The following MYO15A variants were observed in gnomAD, a reference collection of about 807,000 sequenced individuals.
The protein encoded by MYO15A is myosin XVA.
Under a neutral mutation model 394.6 loss-of-function variants are expected in MYO15A, and 308 were observed. The ratio of observed to expected loss-of-function variants is 0.78; its 90% CI spans 0.71 to 0.86. MYO15A has a LOEUF of 0.86. Ranked by LOEUF, MYO15A falls within the 40% of genes least tolerant of loss-of-function variation. The pLI is 0.00. For synonymous variants in MYO15A, 1,957 were observed against 2,003.8 expected (o/e 0.98, Z 0.62); for missense variants, 4,606 against 4,799.1 (o/e 0.96, Z 1.19).
chr17:18,149,619 G>A, intron 35 of MYO15A, 39 bp downstream of exon 35: 1 of 1,591,738 alleles, frequency 6.3e-7, no homozygotes, highest in South Asian at 1.1e-5. Flanking sequence ...CAGACAGCAG[G>A]CACAGCATGT....
At position 18,132,554 on chromosome 17, in the gene MYO15A, C is replaced by T. The variant is rs1403506968; in HGVS notation, c.4308C>T (p.Tyr1436=). The change falls in exon 11 of 66, where the codon TAC becomes TAT. Residue 1436 remains tyrosine (Y), a synonymous_variant. Transcript: ENST00000647165. The surrounding 1 kb of genome is among the most constrained non-coding windows in gnomAD (Gnocchi z 4.6). ...AFSLQEAETY[Y]YLNQGGNCEI... ...GCCTGCAAGAGGCTGAGACCTACTA[C>T]TATCTGAACCAGGTGAGTGCCAGCA... is the stretch of plus-strand genomic sequence containing the variant. The T allele has an allele frequency of 5.6e-6, 9 of 1,611,604 alleles. No individual in the cohort carries two copies. In the Middle Eastern group the frequency reaches 6.6e-4, roughly 119 times the overall value.
intron 64 of MYO15A, 116 bp downstream of exon 64, chr17:18,172,406 C>A: frequency 6.9e-7 from 1 of 1,447,986 alleles, no homozygotes; most frequent in Non-Finnish European, 9.6e-7. Flanking sequence ...TTACCACCTT[C>A]ATGATCTCAG....
Position 18,119,602 on chromosome 17 carries a change from A to T in MYO15A, c.802A>T (p.Ser268Cys). 6.2e-7 allele frequency: 1 copy of T among 1,603,988 alleles called. No individual in the cohort carries two copies. The highest frequency in any genetic ancestry group is 8.5e-7 in the Non-Finnish European group (1 of 1,179,884). ...CTACCTGGCGGGCCTCGGCCCCTAC[A>T]GCCCGGCCTGGCCACCCTACGGCGA... The part of the protein sequence containing the change: ...EPYLAGLGPY[S>C]PAWPPYGDHY... Residue 268 changes from serine to cysteine, a missense_variant, in exon 2 of 66, where the codon AGC becomes TGC. Ser to Cys is a moderately radical substitution (Grantham distance 112, BLOSUM62 -1). This residue lies in a region of MYO15A where 1,830 missense variants were observed against 1,689.7 expected (regional missense o/e 1.08). Transcript: ENST00000647165.
chr17:18,175,097 T>TTTC (rs34523480), intron 65 of MYO15A, among the ~76,000 whole-genome samples: 1 of 150,138 alleles, frequency 6.7e-6, no homozygotes, highest in Non-Finnish European at 1.5e-5. Flanking sequence ...TTTTTTTTTT[T>TTTC]CAGTAGAGAC....
At chr17:18,140,008 G>A (rs2142332598) in intron 19 of MYO15A, among the ~76,000 whole-genome samples, 1 of 152,230 alleles carries the variant, frequency 6.6e-6, no homozygotes, top group Middle Eastern at 3.4e-3. Flanking sequence ...GGTGTTCTCA[G>A]TTTCTCCCAC....
In MYO15A at chr17:18,133,360, G is replaced by A. The variant is rs755307750; in HGVS notation, c.4456G>A (p.Gly1486Ser). The change falls in exon 12 of 66, where the codon GGC becomes AGC. Residue 1486 changes from glycine to serine, a missense_variant. By Grantham distance (56) the Gly-to-Ser change is moderately conservative (BLOSUM62 0). This residue lies in a region of MYO15A where 2,776 missense variants were observed against 3,109.3 expected (regional missense o/e 0.89). Transcript: ENST00000647165. Reference protein sequence around the residue: ...FRILASILHLGNVYFEKYETD... With the variant: ...FRILASILHLSNVYFEKYETD... ...CATCCTGGCCTCCATCCTGCACCTG[G>A]GCAACGTCTACTTTGAGAAGTATGA... 2.5e-6 allele frequency: 4 copies of A among 1,614,186 alleles called. No homozygotes were observed. The highest frequency in any genetic ancestry group is 3.4e-6 in the Non-Finnish European group (4 of 1,180,040).
chr17:18,153,867 G>C lies in MYO15A; in HGVS notation c.8059G>C (p.Ala2687Pro). 6.2e-7 allele frequency: 1 copy of C among 1,613,606 alleles called. No homozygotes were observed. The highest frequency in any genetic ancestry group is 8.5e-7 in the Non-Finnish European group (1 of 1,180,000). ...INPNFYGYQD[A>P]PWKIFLRKEV... ...TCCCAACTTCTACGGCTATCAGGAC[G>C]CCCCCTGGAAGATCTTCCTGCGCAA... The change falls in exon 43 of 66, where the codon GCC becomes CCC. Residue 2687 changes from alanine (A) to proline (P), a missense_variant. Physicochemically the swap from Ala to Pro is conservative, Grantham distance 27. Transcript: ENST00000647165. This position sits in a 1 kb window ranked among gnomAD's most constrained non-coding sequence, Gnocchi z 4.1.
In MYO15A at chr17:18,122,269, C is replaced by T. The variant is rs755853662; in HGVS notation, c.3469C>T (p.Leu1157Phe). ...AGCCTGTAGTCTTCGCTGGTCCTGC[C>T]TCTGGCTTCGGGCAGATGCCTATGG... ...PRACSLRWSC[L>F]WLRADAYGPW... The change falls in exon 2 of 66, where the codon CTC becomes TTC. Residue 1157 changes from leucine (L) to phenylalanine (F), a missense_variant. Coordinates refer to ENST00000647165, the MANE Select transcript of MYO15A (RefSeq NM_016239.4). 2.9e-5 allele frequency: 47 copies of T among 1,613,050 alleles called. No homozygotes were observed. The highest frequency in any genetic ancestry group is 3.6e-5 in the Non-Finnish European group (43 of 1,180,020).
chr17:18,152,011 G>T, intron 41 of MYO15A, 60 bp downstream of exon 41: 1 of 1,541,634 alleles, frequency 6.5e-7, no homozygotes, highest in Non-Finnish European at 8.8e-7. Context: ...GGGCCTCAGG[G>T]ATCCTCAGAA....
At chr17:18,160,112 C>A in intron 56 of MYO15A, 95 bp downstream of exon 56, 1 of 1,202,072 alleles carries the variant, frequency 8.3e-7, no homozygotes, top group Non-Finnish European at 1.2e-6. Flanking sequence ...CCTGACCCCT[C>A]CTGGATTATC....
chr17:18,144,674 C>A, intron 29 of MYO15A, 82 bp downstream of exon 29: 1 of 1,398,610 alleles, frequency 7.1e-7, no homozygotes, highest in Non-Finnish European at 1.0e-6. Flanking sequence ...GTCTTCCCAG[C>A]CCTCCCCAAG....
chr17:18,149,773 C>G (rs2046545982), intron 35 of MYO15A, 193 bp downstream of exon 35: 1 of 653,286 alleles, frequency 1.5e-6, no homozygotes, highest in African/African-American at 1.8e-5. Flanking sequence ...CTTGGCTGAT[C>G]CTGGAAGGAC....
intron 9 of MYO15A, 44 bp downstream of exon 9, chr17:18,131,386 C>T (rs748078015): frequency 6.8e-6 from 11 of 1,612,676 alleles, no homozygotes; most frequent in Non-Finnish European, 9.3e-6. Context: ...CTTGCAGTGT[C>T]TTCCATGTCC....
At position 18,151,755 on chromosome 17, in the gene MYO15A, G is replaced by A. The variant is rs2046586525; in HGVS notation, c.7788-91G>A. 21 of 1,273,008 alleles carry A rather than the reference G, an allele frequency of 1.6e-5. 1 individual carries two copies. In the South Asian group the frequency reaches 2.7e-4, roughly 16 times the overall value. The allele number at this position is 1,273,008 out of a possible 1,614,324, so 78.9% of individuals were successfully genotyped here. A position where few individuals can be genotyped will look rare whatever the true frequency, so the allele number is the denominator to read the frequency against. ...ATTCTCATTTATAATGATAGGGGGT[G>A]GTGGAGGAGGAGGAAGTTTCCTACT... On this transcript the variant is annotated intron_variant, in intron 40 of 65. Transcript: ENST00000647165.
chr17:18,116,919 C>CA (rs772914615), intron 1 of MYO15A, among the ~76,000 whole-genome samples: 2,317 of 87,024 alleles, frequency 0.027, 59 homozygotes, highest in African/African-American at 0.11. Context: ...GACTCTGTCT[C>CA]AAAAAAAAAA....
intron 50 of MYO15A, chr17:18,157,496 C>G: frequency 1.0e-6 from 1 of 998,090 alleles, no homozygotes; most frequent in Non-Finnish European, 1.4e-6. Flanking sequence ...TCCACAAACC[C>G]TGCTTTGCCT....
chr17:18,151,622 C>T, intron 40 of MYO15A, 95 bp downstream of exon 40: 1 of 1,517,328 alleles, frequency 6.6e-7, no homozygotes. Flanking sequence ...GCGCCCTGCC[C>T]AGCTCCTGTT....
At position 18,138,172 on chromosome 17, in the gene MYO15A, C is replaced by T. The variant is rs1342710488; in HGVS notation, c.4933C>T (p.Pro1645Ser). 6.2e-7 allele frequency: 1 copy of T among 1,613,716 alleles called. No homozygotes were observed. Among genetic ancestry groups the T allele is most frequent in the East Asian group, 2.2e-5 (1 of 44,888 alleles). The stretch of plus-strand genomic sequence containing the variant: ...GGAGATCACCTTTGCTGACAACCAG[C>T]CCTGCATCAACCTCATCTCACTGAA... ...WQEITFADNQ[P>S]CINLISLKPY... is the part of the protein sequence containing the mutation. Residue 1645 changes from proline to serine, a missense_variant, in exon 17 of 66, where the codon CCC becomes TCC. By Grantham distance (74) the Pro-to-Ser change is moderately conservative (BLOSUM62 -1). This residue lies in a region of MYO15A where 2,776 missense variants were observed against 3,109.3 expected (regional missense o/e 0.89). Coordinates refer to ENST00000647165, the MANE Select transcript of MYO15A (RefSeq NM_016239.4).
At position 18,148,369 on chromosome 17, in the gene MYO15A, C is replaced by A; in HGVS notation, c.6692-127C>A. 2 of 1,464,128 alleles carry A rather than the reference C, an allele frequency of 1.4e-6. No homozygotes were observed. The highest frequency in any genetic ancestry group is 1.2e-5 in the South Asian group (1 of 82,012). 90.7% of individuals were successfully genotyped at this position (1,464,128 alleles called of 1,614,324 possible). On this transcript the variant is annotated intron_variant, in intron 31 of 65. Coordinates refer to ENST00000647165, the MANE Select transcript of MYO15A (RefSeq NM_016239.4). The surrounding 1 kb of genome is among the most constrained non-coding windows in gnomAD (Gnocchi z 4.8). Reference sequence around the variant, plus strand: ...CTGTGTGTGGGGGTGGGACCTGGCCCAGGAAAGGGGAGCCAGGGAAGTGAG... The same window carrying A: ...CTGTGTGTGGGGGTGGGACCTGGCCAAGGAAAGGGGAGCCAGGGAAGTGAG...
Sources: allele counts gnomAD v4.1 joint callset (sites outside exome capture counted in the v4.1 genomes callset), GRCh38; gene constraint gnomAD v4.1.1; regional missense constraint gnomAD v4.1.1; non-coding constraint Gnocchi (gnomAD v3.1); transcripts MANE v1.5; gene names NCBI Gene and HGNC (gene_info 2026-07-23, HGNC 2026-07-21).